The following STK3 variants were observed in gnomAD, a reference collection of about 807,000 sequenced individuals.
STK3 encodes serine/threonine kinase 3.
STK3 carries 41 observed loss-of-function variants against 58.0 expected under a neutral mutation model. The ratio of observed to expected loss-of-function variants is 0.71; its 90% CI spans 0.55 to 0.92. STK3 has a LOEUF of 0.92. Among genes scored for constraint, STK3 ranks in the 40% least tolerant of loss-of-function variants. STK3 has a pLI of 0.00. For missense variants in STK3, 479 were observed against 602.7 expected (o/e 0.79, Z 2.15); for synonymous variants, 170 against 191.0 (o/e 0.89, Z 0.91).
At chr8:98,680,108 A>G (rs142499375) in intron 6 of STK3, among the ~76,000 whole-genome samples, 1,690 of 152,286 alleles carry the variant, frequency 0.011, 20 homozygotes, top group Admixed American at 0.017. Flanking sequence ...TCCTTATGCA[A>G]ACAAAAAACT....
At chr8:98,543,714 T>C (rs1810469668) in intron 9 of STK3, among the ~76,000 whole-genome samples, 1 of 152,134 alleles carries the variant, frequency 6.6e-6, no homozygotes, top group African/African-American at 2.4e-5. Context: ...AGAAGAGATC[T>C]AGTGAAGATC....
intron 6 of STK3, among the ~76,000 whole-genome samples, chr8:98,637,596 G>T: frequency 6.6e-6 from 1 of 152,148 alleles, no homozygotes; most frequent in African/African-American, 2.4e-5. Context: ...TAATTTTCTG[G>T]TGAAAGTGAG....
At chr8:98,815,114 T>C (rs931678629) in intron 1 of STK3, among the ~76,000 whole-genome samples, 1 of 152,236 alleles carries the variant, frequency 6.6e-6, no homozygotes, top group Non-Finnish European at 1.5e-5. Flanking sequence ...ATTAGGATTA[T>C]AGTGGGTCAA....
chr8:98,596,222 A>G, intron 6 of STK3, 53 bp from the exon 7 acceptor site: 1 of 1,532,930 alleles, frequency 6.5e-7, no homozygotes, highest in Non-Finnish European at 8.9e-7. Flanking sequence ...AGCACAATCA[A>G]ATAAACAAAT....
intron 1 of STK3, among the ~76,000 whole-genome samples, chr8:98,448,201 T>C (rs1287139620): frequency 6.6e-6 from 1 of 152,080 alleles, no homozygotes; most frequent in Non-Finnish European, 1.5e-5. Flanking sequence ...ATATAATTTT[T>C]AAAGATGACA....
In STK3 at chr8:98,774,691, T is replaced by A. The variant is rs766750774; in HGVS notation, c.107+48A>T. 856 of 1,310,698 alleles carry A rather than the reference T, an allele frequency of 6.5e-4. 1 individual carries two copies. The highest frequency in any genetic ancestry group is 4.8e-4 in the Non-Finnish European group (457 of 945,704). 81.2% of individuals were successfully genotyped at this position (1,310,698 alleles called of 1,614,324 possible). A position where few individuals can be genotyped will look rare whatever the true frequency, so the allele number is the denominator to read the frequency against. ...AAGATTAACATCATATAATATTTTTTAAATTGTTCTGAAATTATTTACATG... is the reference window on the plus strand; with the variant it reads ...AAGATTAACATCATATAATATTTTTAAAATTGTTCTGAAATTATTTACATG... On this transcript the variant is annotated intron_variant, in intron 2 of 10. Coordinates refer to ENST00000419617, the MANE Select transcript of STK3 (RefSeq NM_006281.4).
chr8:98,668,875 CTTGT>C (rs1822564957), intron 6 of STK3, among the ~76,000 whole-genome samples: 1 of 151,856 alleles, frequency 6.6e-6, no homozygotes, highest in Non-Finnish European at 1.5e-5. Flanking sequence ...TAATTAAAAC[CTTGT>C]TTAAGAATAT....
At chr8:98,589,330 G>A (rs1300341848) in intron 7 of STK3, among the ~76,000 whole-genome samples, 2 of 152,194 alleles carry the variant, frequency 1.3e-5, no homozygotes, top group African/African-American at 2.4e-5. Flanking sequence ...AGGACCCTCA[G>A]TTGCAGGTCT....
intron 7 of STK3, among the ~76,000 whole-genome samples, chr8:98,584,213 G>T (rs1381000776): frequency 1.3e-5 from 2 of 151,638 alleles, no homozygotes; most frequent in Non-Finnish European, 2.9e-5. Flanking sequence ...TTGTCATCTA[G>T]CATTAGGTAT....
chr8:98,930,442 C>G (rs950729700), intron 1 of STK3, among the ~76,000 whole-genome samples: 1 of 152,120 alleles, frequency 6.6e-6, no homozygotes, highest in Non-Finnish European at 1.5e-5. Flanking sequence ...TAATACAGTT[C>G]ACAAGTAAAT....
chr8:98,685,705 A>G (rs188177898), intron 6 of STK3, among the ~76,000 whole-genome samples: 1 of 152,224 alleles, frequency 6.6e-6, no homozygotes, highest in East Asian at 1.9e-4. Context: ...TCCTTGGATG[A>G]TGTGAAAGTA....
At chr8:98,741,185 A>G (rs540838742) in intron 4 of STK3, among the ~76,000 whole-genome samples, 1 of 152,312 alleles carries the variant, frequency 6.6e-6, no homozygotes, top group African/African-American at 2.4e-5. Flanking sequence ...AGACAGATCA[A>G]CCAGACAGAA....
At chr8:98,694,732 T>C (rs1217376244) in intron 6 of STK3, among the ~76,000 whole-genome samples, 2 of 152,260 alleles carry the variant, frequency 1.3e-5, no homozygotes, top group Non-Finnish European at 2.9e-5. Context: ...TGCCACATTT[T>C]CTTAATCCAG....
chr8:98,819,875 T>C (rs532139528), intron 1 of STK3, among the ~76,000 whole-genome samples: 35 of 152,338 alleles, frequency 2.3e-4, no homozygotes, highest in African/African-American at 6.7e-4. Context: ...GTGATATTCC[T>C]ACTATCTACT....
chr8:98,878,869 AT>A (rs1439821412), downstream of STK3: 1 of 146,028 alleles, frequency 6.8e-6, no homozygotes, highest in Non-Finnish European at 1.5e-5. Context: ...AAAAAAGTCT[AT>A]TGATAGAGAA....
intron 3 of STK3, chr8:98,429,473 C>CAAG: frequency 1.7e-5 from 21 of 1,230,644 alleles, no homozygotes; most frequent in Non-Finnish European, 2.2e-5. Context: ...GCCTCTGGCA[C>CAAG]AGCCCAGGCA....
downstream of STK3, among the ~76,000 whole-genome samples, chr8:98,368,551 T>C (rs191768680): frequency 1.6e-4 from 25 of 152,276 alleles, no homozygotes; most frequent in Non-Finnish European, 8.8e-5. Flanking sequence ...GTGACTTGCA[T>C]ATGCACCCAC....
chr8:98,484,174 C>T (rs1331452373), intron 10 of STK3, among the ~76,000 whole-genome samples: 2 of 116,756 alleles, frequency 1.7e-5, no homozygotes, highest in African/African-American at 3.0e-5. Flanking sequence ...AGTCTAAGTC[C>T]CACAATTTTT....
chr8:98,597,768 T>G, intron 6 of STK3: 1 of 985,158 alleles, frequency 1.0e-6, no homozygotes, highest in Non-Finnish European at 1.2e-6. Context: ...GCTATTACAG[T>G]TTTTAAAATA....
Sources: gnomAD v4.1 joint callset for allele counts (sites outside exome capture counted in the v4.1 genomes callset) on GRCh38, gnomAD v4.1.1 for gene constraint, MANE v1.5 for transcripts, NCBI Gene and HGNC (gene_info 2026-07-23, HGNC 2026-07-21) for gene names.